The following PTPRM variants were observed in gnomAD, a reference collection of about 807,000 sequenced individuals.
The protein encoded by PTPRM is receptor-type tyrosine-protein phosphatase mu.
PTPRM carries 47 observed loss-of-function variants against 186.7 expected under a neutral mutation model. That is an observed-to-expected ratio of 0.25 (90% CI 0.20 to 0.32). The LOEUF (loss-of-function observed/expected upper bound fraction) is 0.32, where lower values mean the gene tolerates loss of function less well. Ranked by LOEUF, PTPRM falls within the 10% of genes least tolerant of loss-of-function variation. The pLI is 1.00. For missense variants in PTPRM, 1,494 were observed against 1,865.0 expected, an observed-to-expected ratio of 0.80 and a Z score of 3.66; for synonymous variants, 668 against 674.9, an observed-to-expected ratio of 0.99 and a Z score of 0.16.
At chr18:7,682,612 A>C (rs1288235697) in intron 1 of PTPRM, among the ~76,000 whole-genome samples, 4 of 152,222 alleles carry the variant, frequency 2.6e-5, no homozygotes, top group Admixed American at 2.0e-4. Flanking sequence ...AGAGATGACA[A>C]ATAAAAAGAC....
intron 2 of PTPRM, among the ~76,000 whole-genome samples, chr18:7,829,979 T>G (rs1254046972): frequency 1.3e-5 from 2 of 152,178 alleles, no homozygotes; most frequent in African/African-American, 4.8e-5. Context: ...TGTCCTATAG[T>G]TTTTGGAAAG....
chr18:7,979,040 A>C (rs934499241), intron 7 of PTPRM, among the ~76,000 whole-genome samples: 1 of 152,090 alleles, frequency 6.6e-6, no homozygotes, highest in African/African-American at 2.4e-5. Flanking sequence ...CCTTATCTAT[A>C]AGCTGGGTCT....
intron 2 of PTPRM, among the ~76,000 whole-genome samples, chr18:7,808,624 G>A (rs1335425871): frequency 1.3e-5 from 2 of 152,116 alleles, no homozygotes; most frequent in African/African-American, 2.4e-5. Flanking sequence ...ATTTTTTTCT[G>A]TTGTGCTCAA....
At chr18:7,748,656 CTT>C (rs1205486444) in intron 1 of PTPRM, among the ~76,000 whole-genome samples, 1 of 152,208 alleles carries the variant, frequency 6.6e-6, no homozygotes, top group Non-Finnish European at 1.5e-5. Flanking sequence ...TTCCTGCCCT[CTT>C]TGTCTAATTG....
At position 7,693,098 on chromosome 18, in the gene PTPRM, A is replaced by G. The variant is rs537450185; in HGVS notation, c.74-81051A>G. 3.6e-4 allele frequency among the ~76,000 whole-genome samples: 55 copies of G among 152,322 alleles called. 1 individual carries two copies. The highest frequency in any genetic ancestry group is 3.1e-3 in the South Asian group (15 of 4,826). On this transcript the variant is annotated intron_variant, in intron 1 of 32. Transcript: ENST00000580170. ...TGTAAATGGTCACTCTCTGAAGATC[A>G]GTTATGATGACTGTGGCTAGCAGGC...
Position 8,406,268 on chromosome 18 carries a change from T to C in PTPRM, c.*106T>C. On this transcript the variant is annotated 3_prime_UTR_variant, in exon 33 of 33. Transcript: ENST00000580170. ...GACTTCTCAATATGCTTATTTTGCT[T>C]TGCATAATTGGCTCTTTTTAAGAGC... The C allele has an allele frequency of 9.0e-7, 1 of 1,106,140 alleles. No individual in the cohort carries two copies. The highest frequency in any genetic ancestry group is 1.3e-6 in the Non-Finnish European group (1 of 758,200). 68.5% of individuals were successfully genotyped at this position (1,106,140 alleles called of 1,614,324 possible). A position where few individuals can be genotyped will look rare whatever the true frequency, so the allele number is the denominator to read the frequency against.
intron 19 of PTPRM, among the ~76,000 whole-genome samples, chr18:8,273,671 G>T (rs189505172): frequency 5.3e-4 from 80 of 152,280 alleles, no homozygotes; most frequent in Middle Eastern, 3.4e-3. Flanking sequence ...GGCATCAGAG[G>T]TTGTGGGGAT....
intron 1 of PTPRM, among the ~76,000 whole-genome samples, chr18:7,714,888 CA>C (rs910513685): frequency 6.6e-6 from 1 of 151,956 alleles, no homozygotes; most frequent in Admixed American, 6.6e-5. Flanking sequence ...GCCTACCAAC[CA>C]AAAAAAGCCT....
chr18:7,626,902 T>C (rs1241222321), intron 1 of PTPRM, among the ~76,000 whole-genome samples: 1 of 152,204 alleles, frequency 6.6e-6, no homozygotes, highest in African/African-American at 2.4e-5. Flanking sequence ...GGTCTCGCTC[T>C]GTTGCTGGGG....
intron 19 of PTPRM, among the ~76,000 whole-genome samples, chr18:8,290,590 A>G (rs2095031956): frequency 6.6e-6 from 1 of 152,170 alleles, no homozygotes; most frequent in East Asian, 1.9e-4. Flanking sequence ...AAATGACAGT[A>G]TGCAGGATGT....
intron 14 of PTPRM, chr18:8,154,819 T>G (rs1439592584): frequency 6.6e-6 from 1 of 152,248 alleles, no homozygotes; most frequent in Non-Finnish European, 1.5e-5. Flanking sequence ...AAGCAACAAC[T>G]AATTTTTTGT....
intron 4 of PTPRM, among the ~76,000 whole-genome samples, chr18:7,922,798 T>TGA (rs35384241): frequency 6.6e-6 from 1 of 151,822 alleles, no homozygotes; most frequent in East Asian, 1.9e-4. Flanking sequence ...GTTTAACTTA[T>TGA]AAAAAAAAGG....
At chr18:7,993,505 C>T (rs74488875) in intron 7 of PTPRM, among the ~76,000 whole-genome samples, 1,705 of 152,108 alleles carry the variant, frequency 0.011, 15 homozygotes, top group Non-Finnish European at 0.02. Context: ...TAAGAGAATT[C>T]CCATCAGATT....
At chr18:7,723,141 A>G (rs779849171) in intron 1 of PTPRM, among the ~76,000 whole-genome samples, 27 of 152,320 alleles carry the variant, frequency 1.8e-4, no homozygotes, top group Middle Eastern at 6.8e-3. Context: ...GTGAACATGC[A>G]TAGTATCAGG....
intron 20 of PTPRM, among the ~76,000 whole-genome samples, chr18:8,297,942 G>A (rs1296505387): frequency 1.3e-5 from 2 of 152,168 alleles, no homozygotes; most frequent in African/African-American, 4.8e-5. Flanking sequence ...GAGGTCTAGG[G>A]TTGATTACTC....
intron 1 of PTPRM, among the ~76,000 whole-genome samples, chr18:7,598,446 G>A (rs963028331): frequency 2.6e-5 from 4 of 152,212 alleles, no homozygotes; most frequent in Admixed American, 1.3e-4. Flanking sequence ...GCACGTCTAC[G>A]TGTGTTTATT....
At chr18:8,217,533 T>C (rs2094104342) in intron 14 of PTPRM, among the ~76,000 whole-genome samples, 1 of 152,228 alleles carries the variant, frequency 6.6e-6, no homozygotes, top group Non-Finnish European at 1.5e-5. Context: ...AAAGGTATTC[T>C]ACATAGCAAT....
intron 1 of PTPRM, among the ~76,000 whole-genome samples, chr18:7,580,387 A>G (rs75884448): frequency 0.04 from 6,040 of 152,230 alleles, 140 homozygotes; most frequent in South Asian, 0.084. Context: ...AACATTTGCC[A>G]TAGGCTTCAT....
At chr18:8,397,271 C>G (rs987353461) in intron 32 of PTPRM, among the ~76,000 whole-genome samples, 1 of 152,252 alleles carries the variant, frequency 6.6e-6, no homozygotes, top group East Asian at 1.9e-4. Context: ...TGCTACCGCT[C>G]TACCCTCCCT....
Sources: gnomAD v4.1 joint callset for allele counts (sites outside exome capture counted in the v4.1 genomes callset) on GRCh38, gnomAD v4.1.1 for gene constraint, MANE v1.5 for transcripts, NCBI Gene and HGNC (gene_info 2026-07-23, HGNC 2026-07-21) for gene names.